The following C21orf91 variants were observed in gnomAD, a reference collection of about 807,000 sequenced individuals.
C21orf91 encodes the protein protein EURL homolog.
A neutral mutation model predicts 32.9 loss-of-function variants in C21orf91; 26 were observed. The ratio of observed to expected loss-of-function variants is 0.79; its 90% CI spans 0.58 to 1.10. C21orf91 has a LOEUF of 1.10. Ranked by LOEUF, C21orf91 falls within the 50% of genes least tolerant of loss-of-function variation. C21orf91 has a pLI of 0.00. For missense variants in C21orf91, 310 were observed against 341.3 expected, an observed-to-expected ratio of 0.91 and a Z score of 0.72; for synonymous variants, 126 against 120.4, an observed-to-expected ratio of 1.05 and a Z score of -0.31.
Position 17,793,213 on chromosome 21 carries a change from C to A in C21orf91, c.*202G>T. 2.7e-6 allele frequency: 1 copy of A among 368,168 alleles called. No homozygotes were observed. Among genetic ancestry groups the A allele is most frequent in the Non-Finnish European group, 4.9e-6 (1 of 204,242 alleles). 22.8% of individuals were successfully genotyped at this position (368,168 alleles called of 1,614,324 possible). A position where few individuals can be genotyped will look rare whatever the true frequency, so the allele number is the denominator to read the frequency against. On this transcript the variant is annotated 3_prime_UTR_variant, in exon 5 of 5. Coordinates refer to ENST00000284881, the MANE Select transcript of C21orf91 (RefSeq NM_001100420.2). ...TTAGTAATTCTGGGAAAAAAGAGTC[C>A]CCAAATGAGCCAAAATGATTAGCCC... is the stretch of plus-strand genomic sequence containing the variant.
chr21:17,812,796 G>A (rs530328992), intron 2 of C21orf91, among the ~76,000 whole-genome samples: 1 of 151,010 alleles, frequency 6.6e-6, no homozygotes, highest in Non-Finnish European at 1.5e-5. Flanking sequence ...GTGACAGAGC[G>A]AGACTCCATC....
chr21:17,816,838 T>C (rs1439258468), intron 2 of C21orf91, among the ~76,000 whole-genome samples: 1 of 152,238 alleles, frequency 6.6e-6, no homozygotes, highest in Middle Eastern at 3.2e-3. Context: ...AGATAATTTC[T>C]AATGTCTTTA....
intron 3 of C21orf91, 82 bp from the exon 4 acceptor site, chr21:17,795,352 T>C: frequency 1.1e-6 from 1 of 937,408 alleles, no homozygotes; most frequent in African/African-American, 1.6e-5. Context: ...ATATCCTATT[T>C]TTAAAAATCA....
rs967665441 is a variant in C21orf91 at position 17,796,922 on chromosome 21, T to G, written c.324A>C (p.Ser108=). The G allele has an allele frequency of 6.2e-7, 1 of 1,613,312 alleles. No homozygotes were observed. Among genetic ancestry groups the G allele is most frequent in the Non-Finnish European group, 8.5e-7 (1 of 1,179,438 alleles). ...GGGGGTTTTTAGAACATTCAGAATC[T>G]GAATCCAGATCCTTATTTTGTGCAT... The part of the protein sequence containing the change: ...VQYAQNKDLD[S]DSECSKNPQH... The change falls in exon 3 of 5, where the codon TCA becomes TCC. Residue 108 remains serine, a synonymous_variant. Transcript: ENST00000284881.
chr21:17,805,184 A>G (rs796724289), intron 2 of C21orf91, among the ~76,000 whole-genome samples: 1 of 152,236 alleles, frequency 6.6e-6, no homozygotes, highest in South Asian at 2.1e-4. Flanking sequence ...ATTTTAATTT[A>G]AATGAATTCA....
intron 2 of C21orf91, among the ~76,000 whole-genome samples, chr21:17,799,811 T>C (rs1025902183): frequency 2.0e-5 from 3 of 152,184 alleles, no homozygotes; most frequent in Non-Finnish European, 4.4e-5. Context: ...GCCGGGCACA[T>C]AGTGGGTACT....
At chr21:17,797,325 A>G (rs968950220) in intron 2 of C21orf91, among the ~76,000 whole-genome samples, 1 of 152,104 alleles carries the variant, frequency 6.6e-6, no homozygotes, top group Non-Finnish European at 1.5e-5. Flanking sequence ...TGGATAGCAA[A>G]ATCTTTCTAA....
chr21:17,795,906 C>A (rs1015205378), intron 3 of C21orf91, among the ~76,000 whole-genome samples: 14 of 152,198 alleles, frequency 9.2e-5, no homozygotes, highest in Non-Finnish European at 2.1e-4. Context: ...GTGTTAGTCA[C>A]TACCCATTAA....
intron 2 of C21orf91, chr21:17,813,805 T>G (rs1240865228): frequency 6.6e-6 from 1 of 152,224 alleles, no homozygotes; most frequent in Non-Finnish European, 1.5e-5. Context: ...TGATTTTGAA[T>G]GCTCAACCTG....
intron 2 of C21orf91, among the ~76,000 whole-genome samples, chr21:17,814,457 G>A (rs1600890527): frequency 6.6e-6 from 1 of 152,090 alleles, no homozygotes; most frequent in Admixed American, 6.5e-5. Context: ...GTCCATTCTT[G>A]CACTGCTATA....
intron 2 of C21orf91, chr21:17,813,800 T>C (rs1204266025): frequency 6.6e-6 from 1 of 152,224 alleles, no homozygotes. Flanking sequence ...ATTTTTGATT[T>C]TGAATGCTCA....
At chr21:17,802,807 G>C (rs1410253343) in intron 2 of C21orf91, among the ~76,000 whole-genome samples, 1 of 152,192 alleles carries the variant, frequency 6.6e-6, no homozygotes, top group African/African-American at 2.4e-5. Flanking sequence ...ACACATTCTT[G>C]AATCATGTCA....
At chr21:17,818,824 C>G (rs1046795109) in intron 1 of C21orf91, 1 of 152,454 alleles carries the variant, frequency 6.6e-6, no homozygotes, top group Non-Finnish European at 1.5e-5. Context: ...GAACGGAGAT[C>G]GGCGGCAGCA....
At chr21:17,818,096 C>G (rs1027524006) in intron 2 of C21orf91, 96 bp downstream of exon 2, 1 of 832,884 alleles carries the variant, frequency 1.2e-6, no homozygotes, top group Non-Finnish European at 1.9e-6. Context: ...AGCACAATTT[C>G]CAATCATTGA....
At chr21:17,797,706 T>C (rs1426785857) in intron 2 of C21orf91, among the ~76,000 whole-genome samples, 1 of 151,924 alleles carries the variant, frequency 6.6e-6, no homozygotes, top group Non-Finnish European at 1.5e-5. Context: ...TTATAGTTAC[T>C]AAAACCTTAT....
intron 2 of C21orf91, among the ~76,000 whole-genome samples, chr21:17,816,886 ATACAAGCC>A (rs1378211646): frequency 6.6e-6 from 1 of 152,266 alleles, no homozygotes; most frequent in Non-Finnish European, 1.5e-5. Flanking sequence ...TATCAACAAT[ATACAAGCC>A]AACTCTATTT....
At chr21:17,811,753 C>T (rs948249581) in intron 2 of C21orf91, among the ~76,000 whole-genome samples, 1 of 152,082 alleles carries the variant, frequency 6.6e-6, no homozygotes, top group African/African-American at 2.4e-5. Flanking sequence ...AACTATGACT[C>T]TGAAACAGAA....
intron 1 of C21orf91, 123 bp from the exon 2 acceptor site, chr21:17,818,448 T>C: frequency 1.3e-6 from 1 of 744,754 alleles, no homozygotes. Context: ...AAAAGCTCCA[T>C]CAAACAAGCA....
At chr21:17,795,009 A>G (rs2062507240) in intron 4 of C21orf91, among the ~76,000 whole-genome samples, 199 bp downstream of exon 4, 6 of 151,848 alleles carry the variant, frequency 4.0e-5, no homozygotes, top group African/African-American at 1.4e-4. Context: ...TGTCGCAAAA[A>G]AAAAAAAAAA....
Sources: allele counts gnomAD v4.1 joint callset (sites outside exome capture counted in the v4.1 genomes callset), GRCh38; gene constraint gnomAD v4.1.1; transcripts MANE v1.5; gene names NCBI Gene and HGNC (gene_info 2026-07-23, HGNC 2026-07-21).